LRFN5: variants seen among roughly 807,000 people sequenced by gnomAD.
LRFN5 encodes leucine rich repeat and fibronectin type III domain containing 5.
A neutral mutation model predicts 45.6 loss-of-function variants in LRFN5; 24 were observed. The ratio of observed to expected loss-of-function variants is 0.53; its 90% CI spans 0.38 to 0.74. LRFN5 has a LOEUF of 0.74. LRFN5 is among the 30% of genes least tolerant of loss of function. The pLI, the probability that LRFN5 is intolerant of heterozygous loss-of-function variation, is 0.00. For synonymous variants in LRFN5, 340 were observed against 313.8 expected (o/e 1.08, Z -0.88); for missense variants, 776 against 861.5 (o/e 0.90, Z 1.24).
At chr14:41,663,705 C>T (rs1355331973) in intron 1 of LRFN5, among the ~76,000 whole-genome samples, 2 of 151,878 alleles carry the variant, frequency 1.3e-5, no homozygotes, top group African/African-American at 4.8e-5. Context: ...CATCGATAAC[C>T]TAGTGATGAT....
chr14:41,654,674 C>T (rs1266043171), intron 1 of LRFN5, among the ~76,000 whole-genome samples: 1 of 151,898 alleles, frequency 6.6e-6, no homozygotes, highest in Non-Finnish European at 1.5e-5. Flanking sequence ...AATTTTATTG[C>T]ATGGTAGAAT....
chr14:41,901,123 A>G (rs1243784515), intron 5 of LRFN5, among the ~76,000 whole-genome samples: 2 of 151,996 alleles, frequency 1.3e-5, no homozygotes, highest in African/African-American at 2.4e-5. Flanking sequence ...TATCTAATAT[A>G]TAATACAATT....
intron 2 of LRFN5, among the ~76,000 whole-genome samples, chr14:41,826,510 G>A (rs1043353747): frequency 6.6e-6 from 1 of 152,042 alleles, no homozygotes; most frequent in African/African-American, 2.4e-5. Context: ...AACTATCTCA[G>A]CTGTTAGTTT....
chr14:41,894,969 C>T, intron 4 of LRFN5: 1 of 965,802 alleles, frequency 1.0e-6, no homozygotes, highest in South Asian at 4.8e-5. Context: ...ATTATATATA[C>T]ATATATATTA....
intron 2 of LRFN5, among the ~76,000 whole-genome samples, chr14:41,771,974 A>G (rs912774900): frequency 6.6e-6 from 1 of 152,180 alleles, no homozygotes; most frequent in African/African-American, 2.4e-5. Flanking sequence ...AGACAAAAGG[A>G]TTAATTGGCT....
chr14:41,737,209 A>G (rs1186095004), intron 1 of LRFN5, among the ~76,000 whole-genome samples: 1 of 152,218 alleles, frequency 6.6e-6, no homozygotes, highest in Non-Finnish European at 1.5e-5. Context: ...ATGCAAATCA[A>G]TAAATGTGAT....
At chr14:41,658,549 T>C (rs1404162538) in intron 1 of LRFN5, among the ~76,000 whole-genome samples, 1 of 151,984 alleles carries the variant, frequency 6.6e-6, no homozygotes, top group Non-Finnish European at 1.5e-5. Flanking sequence ...TTCTAATATA[T>C]CAAATTTTCT....
intron 1 of LRFN5, among the ~76,000 whole-genome samples, chr14:41,638,888 G>A (rs1384588907): frequency 6.6e-6 from 1 of 151,880 alleles, no homozygotes; most frequent in Non-Finnish European, 1.5e-5. Context: ...GTGATACAGT[G>A]GACATGTTTC....
intron 1 of LRFN5, among the ~76,000 whole-genome samples, chr14:41,676,258 G>A (rs8008849): frequency 0.18 from 26,840 of 152,200 alleles, 2,813 homozygotes; most frequent in East Asian, 0.49. Flanking sequence ...GAGAAGACCA[G>A]GGGCTACTTC....
intron 2 of LRFN5, among the ~76,000 whole-genome samples, chr14:41,881,162 T>A (rs549097285): frequency 1.3e-5 from 2 of 152,252 alleles, no homozygotes; most frequent in East Asian, 3.9e-4. Flanking sequence ...ATTTTCCCAG[T>A]GGGTTCATTA....
intron 2 of LRFN5, among the ~76,000 whole-genome samples, chr14:41,884,268 G>A (rs761774796): frequency 9.2e-5 from 14 of 152,086 alleles, no homozygotes; most frequent in Admixed American, 2.0e-4. Context: ...CACTTCCAAT[G>A]TCCAAAACTT....
At chr14:41,791,830 G>T (rs915594088) in intron 2 of LRFN5, among the ~76,000 whole-genome samples, 2 of 152,050 alleles carry the variant, frequency 1.3e-5, no homozygotes, top group African/African-American at 4.8e-5. Flanking sequence ...GAAAATTTAT[G>T]CTAGATAAGA....
At chr14:41,745,074 A>T (rs1289400885) in intron 1 of LRFN5, among the ~76,000 whole-genome samples, 1 of 152,036 alleles carries the variant, frequency 6.6e-6, no homozygotes, top group Non-Finnish European at 1.5e-5. Context: ...CAGAATACAC[A>T]TTTTTCTCAA....
At chr14:41,774,197 C>G (rs1312372517) in intron 2 of LRFN5, among the ~76,000 whole-genome samples, 2 of 152,160 alleles carry the variant, frequency 1.3e-5, no homozygotes, top group Non-Finnish European at 2.9e-5. Flanking sequence ...GCTATGAAAA[C>G]CAATGGAAAC....
intron 1 of LRFN5, among the ~76,000 whole-genome samples, chr14:41,702,325 A>G (rs1217164969): frequency 6.6e-6 from 1 of 152,170 alleles, no homozygotes; most frequent in Non-Finnish European, 1.5e-5. Flanking sequence ...CTGAAGTGAA[A>G]TACAGTTCAC....
intron 1 of LRFN5, among the ~76,000 whole-genome samples, chr14:41,675,526 A>C (rs1881589581): frequency 6.6e-6 from 1 of 151,998 alleles, no homozygotes; most frequent in Admixed American, 6.5e-5. Context: ...TCAGGCAGGG[A>C]GGTTGCAGTG....
At chr14:41,650,475 C>T (rs1880057847) in intron 1 of LRFN5, among the ~76,000 whole-genome samples, 1 of 152,016 alleles carries the variant, frequency 6.6e-6, no homozygotes, top group Non-Finnish European at 1.5e-5. Flanking sequence ...TAAAGATGTG[C>T]TTCAGTGACA....
intron 1 of LRFN5, among the ~76,000 whole-genome samples, chr14:41,632,326 G>A (rs530606342): frequency 5.5e-4 from 84 of 152,164 alleles, no homozygotes; most frequent in African/African-American, 1.8e-3. Context: ...GTTGTTGGCC[G>A]GGCGTGGTGG....
chr14:41,838,382 G>A (rs12885146), intron 2 of LRFN5, among the ~76,000 whole-genome samples: 33,376 of 152,050 alleles, frequency 0.22, 4,679 homozygotes, highest in East Asian at 0.7. Flanking sequence ...GATAAGAGCT[G>A]CAATCCTGGA....
Sources: allele counts gnomAD v4.1 joint callset (sites outside exome capture counted in the v4.1 genomes callset), GRCh38; gene constraint gnomAD v4.1.1; transcripts MANE v1.5; gene names NCBI Gene and HGNC (gene_info 2026-07-23, HGNC 2026-07-21).